The following PSME4 variants were observed in gnomAD, a reference collection of about 807,000 sequenced individuals.
PSME4 encodes proteasome activator subunit 4.
PSME4 carries 89 observed loss-of-function variants against 253.9 expected under a neutral mutation model. The ratio of observed to expected loss-of-function variants is 0.35; its 90% confidence interval spans 0.30 to 0.42. The LOEUF (loss-of-function observed/expected upper bound fraction) is 0.42. Among genes scored for constraint, PSME4 ranks in the 10% least tolerant of loss-of-function variants. The probability of loss-of-function intolerance (pLI) is 1.00; values close to 1 mark genes in which losing one functional copy is unlikely to be tolerated. For missense variants in PSME4, 2,014 were observed against 2,195.2 expected (o/e 0.92, Z 1.65); for synonymous variants, 851 against 759.2 (o/e 1.12, Z -1.99).
Position 53,893,659 on chromosome 2 carries a change from A to G in PSME4, c.4038+15T>C. 6.2e-7 allele frequency: 1 copy of G among 1,606,302 alleles called. No individual in the cohort carries two copies. Among genetic ancestry groups the G allele is most frequent in the Non-Finnish European group, 8.5e-7 (1 of 1,175,960 alleles). On this transcript the variant is annotated intron_variant, in intron 35 of 46. Transcript: ENST00000404125. ...ACTAAGCATTACAAAGAGGATATGT[A>G]AACAATATAGTTACCTTAAAGAGGC...
chr2:53,927,215 T>G (rs1174101538), intron 12 of PSME4, among the ~76,000 whole-genome samples, 179 bp downstream of exon 12: 1 of 152,238 alleles, frequency 6.6e-6, no homozygotes, highest in Non-Finnish European at 1.5e-5. Flanking sequence ...AGCCACCTCC[T>G]GTGGTGGGTG....
chr2:53,947,412 A>T (rs936336804), intron 3 of PSME4, among the ~76,000 whole-genome samples: 3 of 152,246 alleles, frequency 2.0e-5, no homozygotes, highest in Non-Finnish European at 4.4e-5. Flanking sequence ...CTCTTCAAGA[A>T]ATGAGTACAC....
At chr2:53,940,368 C>T (rs1669335977) in intron 3 of PSME4, among the ~76,000 whole-genome samples, 1 of 152,032 alleles carries the variant, frequency 6.6e-6, no homozygotes, top group Non-Finnish European at 1.5e-5. Flanking sequence ...TACATCAAAA[C>T]ACAAGCAGCA....
chr2:53,934,754 A>T, intron 7 of PSME4, 27 bp from the exon 8 acceptor site: 1 of 1,503,332 alleles, frequency 6.7e-7, no homozygotes. Context: ...ATAAGTAAGG[A>T]TATTTACAGG....
At chr2:53,970,490 C>A (rs1369367540) in intron 1 of PSME4, 53 bp downstream of exon 1, 2 of 1,546,926 alleles carry the variant, frequency 1.3e-6, no homozygotes, top group Non-Finnish European at 1.7e-6. Context: ...ATCCCCGACA[C>A]CTCTCACTGA....
chr2:53,964,437 C>A (rs1670625756), intron 1 of PSME4, among the ~76,000 whole-genome samples: 1 of 151,924 alleles, frequency 6.6e-6, no homozygotes, highest in Non-Finnish European at 1.5e-5. Context: ...TTTTTTTCCC[C>A]TTATGGAAAA....
intron 10 of PSME4, among the ~76,000 whole-genome samples, chr2:53,930,092 C>T (rs1668756125): frequency 6.6e-6 from 1 of 151,478 alleles, no homozygotes; most frequent in African/African-American, 2.4e-5. Flanking sequence ...AAAACAGCAC[C>T]AAATTACAAC....
At chr2:53,884,234 T>TG (rs1409295370) in intron 41 of PSME4, among the ~76,000 whole-genome samples, 2 of 152,122 alleles carry the variant, frequency 1.3e-5, no homozygotes, top group African/African-American at 2.4e-5. Flanking sequence ...TTTTTCGAGA[T>TG]GGAGTCTTGC....
At chr2:53,894,033 C>T (rs561813534) in intron 34 of PSME4, among the ~76,000 whole-genome samples, 2 of 152,266 alleles carry the variant, frequency 1.3e-5, no homozygotes, top group South Asian at 4.2e-4. Flanking sequence ...ATTTCTCACA[C>T]TGTGAATTAA....
At chr2:53,967,185 G>C (rs1670776539) in intron 1 of PSME4, among the ~76,000 whole-genome samples, 2 of 152,022 alleles carry the variant, frequency 1.3e-5, no homozygotes, top group South Asian at 4.1e-4. Context: ...CTTGTGATGT[G>C]TTACATCACA....
chr2:53,924,955 A>T (rs1220507317), intron 14 of PSME4, among the ~76,000 whole-genome samples: 1 of 152,250 alleles, frequency 6.6e-6, no homozygotes, highest in Non-Finnish European at 1.5e-5. Flanking sequence ...GTTTACAGAC[A>T]ACTTATTTAA....
chr2:53,876,097 C>T (rs1305504267), intron 41 of PSME4, among the ~76,000 whole-genome samples: 2 of 152,162 alleles, frequency 1.3e-5, no homozygotes, highest in Non-Finnish European at 2.9e-5. Flanking sequence ...ACACATAAAA[C>T]TTCGTTACAG....
intron 10 of PSME4, among the ~76,000 whole-genome samples, chr2:53,930,246 T>C (rs556482328): frequency 6.6e-6 from 1 of 152,308 alleles, no homozygotes; most frequent in South Asian, 2.1e-4. Context: ...GGTCTATTTA[T>C]TTATAAGCTT....
At chr2:53,881,164 T>C in intron 41 of PSME4, among the ~76,000 whole-genome samples, 1 of 152,216 alleles carries the variant, frequency 6.6e-6, no homozygotes, top group Non-Finnish European at 1.5e-5. Flanking sequence ...GCTGTTCATT[T>C]AGTTAGCAAA....
chr2:53,939,623 G>A (rs763451681), intron 4 of PSME4, among the ~76,000 whole-genome samples: 1 of 152,090 alleles, frequency 6.6e-6, no homozygotes, highest in Non-Finnish European at 1.5e-5. Flanking sequence ...ACAGAACATA[G>A]TTGAAAAAAG....
chr2:53,940,254 G>C (rs950998261), intron 3 of PSME4, among the ~76,000 whole-genome samples: 2 of 152,052 alleles, frequency 1.3e-5, no homozygotes, highest in Admixed American at 1.3e-4. Context: ...ACTGGGAAAA[G>C]AACAAATTGT....
chr2:53,926,401 C>A (rs1668559330), intron 12 of PSME4, among the ~76,000 whole-genome samples: 1 of 146,834 alleles, frequency 6.8e-6, no homozygotes, highest in African/African-American at 2.7e-5. Context: ...TAGCCAGACA[C>A]TGTGGCTCAT....
At chr2:53,946,937 G>C (rs1296172881) in intron 3 of PSME4, among the ~76,000 whole-genome samples, 2 of 151,980 alleles carry the variant, frequency 1.3e-5, no homozygotes, top group Non-Finnish European at 1.5e-5. Context: ...AAGGAAGGGA[G>C]AGAGGAAGGG....
In PSME4 at chr2:53,970,970, G is replaced by T. The variant is rs1280381723; in HGVS notation, c.-186C>A. The T allele has an allele frequency of 2.1e-6, 1 of 485,308 alleles. No homozygotes were observed. Among genetic ancestry groups the T allele is most frequent in the Admixed American group, 4.4e-5 (1 of 22,600 alleles). The allele number at this position is 485,308 out of a possible 1,614,324, so 30.1% of individuals were successfully genotyped here. ...CTGGGCCCCACGCGGCTCTCAGTTC[G>T]TTGGCGGCGGCAGCGGCCGCTCTGC... is the stretch of plus-strand genomic sequence containing the variant. On this transcript the variant is annotated 5_prime_UTR_variant, in exon 1 of 47. Transcript: ENST00000404125.
Sources: allele counts gnomAD v4.1 joint callset (sites outside exome capture counted in the v4.1 genomes callset), GRCh38; gene constraint gnomAD v4.1.1; transcripts MANE v1.5; gene names NCBI Gene and HGNC (gene_info 2026-07-23, HGNC 2026-07-21).